Variants in DCAF8L2 observed in about 807,000 individuals in gnomAD.
DCAF8L2 encodes DDB1- and CUL4-associated factor 8-like protein 2.
For synonymous variants in DCAF8L2, 200 were observed against 190.9 expected (o/e 1.05, Z -0.39); for missense variants, 430 against 490.7 (o/e 0.88, Z 1.17).
chrX:27,489,034 T>C, the DCAF8L2 span, among the ~76,000 whole-genome samples: 3 of 111,792 alleles, frequency 2.7e-5, no homozygotes, highest in Non-Finnish European at 3.8e-5. Context: ...TCTGGGACCA[T>C]TGTATTGCCA....
intron 2 of DCAF8L2, among the ~76,000 whole-genome samples, chrX:27,658,294 T>C (rs1336992097): frequency 1.8e-5 from 2 of 111,803 alleles, no homozygotes; most frequent in African/African-American, 6.5e-5. Flanking sequence ...CAGGGCAAAA[T>C]TAAATATGAT....
the DCAF8L2 span, among the ~76,000 whole-genome samples, chrX:27,548,802 G>A: frequency 1.8e-5 from 2 of 111,939 alleles, no homozygotes; most frequent in South Asian, 3.7e-4. Context: ...TTGAATAAAG[G>A]ATAGGGAGTC....
At chrX:27,502,335 A>AAAAAAAAAAAAAAAAAAT in the DCAF8L2 span, among the ~76,000 whole-genome samples, 1 of 12,718 alleles carries the variant, frequency 7.9e-5, no homozygotes, top group African/African-American at 2.2e-4. Context: ...AAAAAAAAAA[A>AAAAAAAAAAAAAAAAAAT]ATATATATAT....
chrX:27,618,208 T>C (rs1424849674), intron 1 of DCAF8L2, among the ~76,000 whole-genome samples: 1 of 111,805 alleles, frequency 8.9e-6, no homozygotes, highest in Non-Finnish European at 1.9e-5. Context: ...ATGAAAAACA[T>C]TCATTTCCCA....
the DCAF8L2 span, among the ~76,000 whole-genome samples, chrX:27,546,005 A>C: frequency 3.0e-4 from 33 of 111,651 alleles, no homozygotes; most frequent in African/African-American, 1.0e-3. Context: ...TTCAGCATTA[A>C]CTCAAAAGTC....
chrX:27,487,814 A>G, the DCAF8L2 span, among the ~76,000 whole-genome samples: 2,532 of 111,210 alleles, frequency 0.023, 85 homozygotes, highest in African/African-American at 0.078. Flanking sequence ...CCAACCAGTA[A>G]CCCATTGTAT....
chrX:27,677,990 CAT>C (rs1235484979), intron 3 of DCAF8L2, 78 bp downstream of exon 3: 1 of 111,036 alleles, frequency 9.0e-6, no homozygotes, highest in Non-Finnish European at 1.9e-5. Flanking sequence ...TATTTCTAGA[CAT>C]ATGATTATAG....
At chrX:27,550,545 C>T in the DCAF8L2 span, among the ~76,000 whole-genome samples, 9 of 111,064 alleles carry the variant, frequency 8.1e-5, no homozygotes, top group East Asian at 2.6e-3. Context: ...TTACAAGATC[C>T]TCTTTTGTAG....
intron 2 of DCAF8L2, among the ~76,000 whole-genome samples, chrX:27,663,205 T>G (rs1279175304): frequency 8.9e-6 from 1 of 111,962 alleles, no homozygotes; most frequent in Admixed American, 9.5e-5. Flanking sequence ...TTAAAGAAAA[T>G]ATAACAACAA....
chrX:27,731,162 C>CGAG (rs1921171045), intron 4 of DCAF8L2, among the ~76,000 whole-genome samples: 1 of 109,965 alleles, frequency 9.1e-6, no homozygotes, highest in Non-Finnish European at 1.9e-5. Context: ...GCGGGTGGAT[C>CGAG]ACTTGAGGTC....
the DCAF8L2 span, among the ~76,000 whole-genome samples, chrX:27,477,945 G>A: frequency 9.0e-6 from 1 of 111,473 alleles, no homozygotes; most frequent in Admixed American, 9.6e-5. Context: ...AGCTCATCAA[G>A]TAGGGATATG....
At position 27,640,258 on chromosome X, in the gene DCAF8L2, C is replaced by T. The variant is rs373268836; in HGVS notation, c.-220+8258C>T. On this transcript the variant is annotated intron_variant, in intron 2 of 4. Coordinates refer to ENST00000451261, the MANE Select transcript of DCAF8L2 (RefSeq NM_001353450.2). ...TTATTAAAGTTTTTTTGATTCATTA[C>T]CTCTCCCATCCCCAGCACTTGGCAA... is the stretch of plus-strand genomic sequence containing the variant. Among the ~76,000 whole-genome samples, 4 of 111,933 alleles carry T rather than the reference C, an allele frequency of 3.6e-5. No homozygotes were observed. In the East Asian group the frequency reaches 8.4e-4, roughly 24 times the overall value.
chrX:27,718,772 G>A (rs750852909), intron 4 of DCAF8L2, among the ~76,000 whole-genome samples: 1 of 111,592 alleles, frequency 9.0e-6, no homozygotes, highest in Admixed American at 9.6e-5. Flanking sequence ...TCTCAAGCCT[G>A]CTGGCTTTCC....
At chrX:27,564,988 A>G in the DCAF8L2 span, among the ~76,000 whole-genome samples, 1 of 109,519 alleles carries the variant, frequency 9.1e-6, no homozygotes, top group Non-Finnish European at 1.9e-5. Flanking sequence ...TGTTAAAACT[A>G]TAGTTTTAAC....
chrX:27,582,760 A>G, the DCAF8L2 span, among the ~76,000 whole-genome samples: 1 of 111,068 alleles, frequency 9.0e-6, no homozygotes, highest in Non-Finnish European at 1.9e-5. Context: ...AGTAACTTCA[A>G]TCTCTAAGTA....
chrX:27,697,991 T>C (rs1257881646), intron 3 of DCAF8L2, among the ~76,000 whole-genome samples: 1 of 110,112 alleles, frequency 9.1e-6, no homozygotes, highest in Non-Finnish European at 1.9e-5. Flanking sequence ...AAAAACCTTA[T>C]AGTTGAATTT....
At chrX:27,580,810 C>T in the DCAF8L2 span, among the ~76,000 whole-genome samples, 5 of 111,746 alleles carry the variant, frequency 4.5e-5, no homozygotes, top group Non-Finnish European at 9.4e-5. Flanking sequence ...GTTAAAAATA[C>T]TGTTTTCCTA....
chrX:27,611,507 A>G (rs1231709831), intron 1 of DCAF8L2, among the ~76,000 whole-genome samples: 1 of 109,774 alleles, frequency 9.1e-6, no homozygotes, highest in Non-Finnish European at 1.9e-5. Context: ...AGTTTGTGAC[A>G]TATGTTTACA....
At chrX:27,542,532 ACTT>A in the DCAF8L2 span, among the ~76,000 whole-genome samples, 1,216 of 58,432 alleles carry the variant, frequency 0.021, 26 homozygotes, top group African/African-American at 0.061. Context: ...TCCTTTGCCT[ACTT>A]TTTTTTTTTT....
Sources: gnomAD v4.1 joint callset for allele counts (sites outside exome capture counted in the v4.1 genomes callset) on GRCh38, gnomAD v4.1.1 for gene constraint, MANE v1.5 for transcripts, NCBI Gene and HGNC (gene_info 2026-07-23, HGNC 2026-07-21) for gene names.